Variants in PLCE1 observed in about 807,000 individuals in gnomAD.
The protein encoded by PLCE1 is 1-phosphatidylinositol 4,5-bisphosphate phosphodiesterase epsilon-1.
PLCE1 carries 119 observed loss-of-function variants against 242.8 expected under a neutral mutation model. The observed-to-expected ratio is 0.49, with a 90% confidence interval of 0.42 to 0.57. PLCE1 has a LOEUF of 0.57. Among genes scored for constraint, PLCE1 ranks in the 20% least tolerant of loss-of-function variants. The pLI, the probability that PLCE1 is intolerant of heterozygous loss-of-function variation, is 0.00. For missense variants in PLCE1, 2,441 were observed against 2,788.8 expected (o/e 0.88, Z 2.81); for synonymous variants, 945 against 1,017.4 (o/e 0.93, Z 1.35).
chr10:94,319,553 T>C (rs1401382973), intron 29 of PLCE1, among the ~76,000 whole-genome samples: 1 of 152,186 alleles, frequency 6.6e-6, no homozygotes, highest in Non-Finnish European at 1.5e-5. Flanking sequence ...CATCTTCCTG[T>C]GGTCAATGTG....
intron 3 of PLCE1, among the ~76,000 whole-genome samples, chr10:94,135,133 C>T (rs1476833004): frequency 6.6e-6 from 1 of 152,136 alleles, no homozygotes; most frequent in African/African-American, 2.4e-5. Flanking sequence ...GGGTTTCTCA[C>T]CACCAAAAAT....
chr10:94,086,748 C>A (rs2044840221), intron 2 of PLCE1, among the ~76,000 whole-genome samples: 1 of 152,240 alleles, frequency 6.6e-6, no homozygotes, highest in Admixed American at 6.5e-5. Flanking sequence ...GAATGATGGG[C>A]AGCCCAGTGG....
intron 4 of PLCE1, among the ~76,000 whole-genome samples, chr10:94,183,829 G>A (rs2048385623): frequency 6.6e-6 from 1 of 152,042 alleles, no homozygotes. Flanking sequence ...GAGAAAAGGG[G>A]GATGTCCCAG....
chr10:94,146,570 G>A (rs1172669058), intron 3 of PLCE1, among the ~76,000 whole-genome samples: 2 of 151,988 alleles, frequency 1.3e-5, no homozygotes, highest in Admixed American at 1.3e-4. Flanking sequence ...AAACCTTTAG[G>A]GACATGAAAA....
intron 7 of PLCE1, among the ~76,000 whole-genome samples, chr10:94,239,752 A>C (rs1472910090): frequency 6.6e-6 from 1 of 152,232 alleles, no homozygotes; most frequent in South Asian, 2.1e-4. Context: ...ATAGGAAAAA[A>C]AGAAAGCTAA....
At chr10:94,305,793 G>C (rs1163251526) in intron 25 of PLCE1, among the ~76,000 whole-genome samples, 1 of 152,192 alleles carries the variant, frequency 6.6e-6, no homozygotes, top group Admixed American at 6.5e-5. Context: ...CAGAATATTA[G>C]TAACAAATTT....
intron 2 of PLCE1, among the ~76,000 whole-genome samples, chr10:94,067,219 A>G (rs1216068847): frequency 1.3e-5 from 2 of 152,176 alleles, no homozygotes; most frequent in African/African-American, 2.4e-5. Flanking sequence ...CCGGACAACC[A>G]TGAGACTCTG....
chr10:94,326,953 G>A (rs1000210743), intron 32 of PLCE1, among the ~76,000 whole-genome samples: 24 of 152,076 alleles, frequency 1.6e-4, no homozygotes, highest in African/African-American at 5.6e-4. Flanking sequence ...GAGGTCAAGA[G>A]ATTGAGACCA....
chr10:94,183,949 T>C (rs1218495488), intron 4 of PLCE1, among the ~76,000 whole-genome samples: 2 of 152,112 alleles, frequency 1.3e-5, no homozygotes, highest in Non-Finnish European at 2.9e-5. Context: ...ATCCAGCACC[T>C]CCCACGAGGC....
intron 2 of PLCE1, among the ~76,000 whole-genome samples, chr10:94,046,571 G>A (rs2061888791): frequency 6.6e-6 from 1 of 152,226 alleles, no homozygotes. Context: ...AGCCAGGCCT[G>A]GAGCCCAGGT....
intron 3 of PLCE1, among the ~76,000 whole-genome samples, chr10:94,149,173 C>T (rs2047202063): frequency 6.6e-6 from 1 of 152,146 alleles, no homozygotes; most frequent in Non-Finnish European, 1.5e-5. Flanking sequence ...CCCCGTGTGC[C>T]AAGGGGTTCC....
intron 7 of PLCE1, among the ~76,000 whole-genome samples, chr10:94,240,948 G>A (rs978001447): frequency 2.6e-5 from 4 of 152,046 alleles, no homozygotes; most frequent in Non-Finnish European, 5.9e-5. Flanking sequence ...ATCCCTTCTT[G>A]TAAACCCACA....
intron 1 of PLCE1, among the ~76,000 whole-genome samples, chr10:94,020,550 T>C (rs1370300897): frequency 1.3e-5 from 2 of 152,160 alleles, no homozygotes; most frequent in Non-Finnish European, 2.9e-5. Context: ...TTTATTCCAA[T>C]ATTGTAAAAA....
At chr10:94,046,878 G>A (rs2061895212) in intron 2 of PLCE1, among the ~76,000 whole-genome samples, 3 of 152,080 alleles carry the variant, frequency 2.0e-5, no homozygotes, top group South Asian at 4.1e-4. Context: ...ACTTTTATAC[G>A]TTGAATGTTA....
chr10:94,065,176 C>G (rs576567430), intron 2 of PLCE1, among the ~76,000 whole-genome samples: 1 of 152,296 alleles, frequency 6.6e-6, no homozygotes, highest in East Asian at 1.9e-4. Flanking sequence ...CTGCCTTCAC[C>G]CGTCCTGGAT....
chr10:94,304,381 G>A, intron 24 of PLCE1, 101 bp from the exon 25 acceptor site: 1 of 1,066,354 alleles, frequency 9.4e-7, no homozygotes, highest in Non-Finnish European at 1.5e-6. Flanking sequence ...GGAGCTTAGG[G>A]AAAATTGATG....
intron 1 of PLCE1, among the ~76,000 whole-genome samples, chr10:94,005,886 G>A (rs568490348): frequency 6.6e-6 from 1 of 152,264 alleles, no homozygotes; most frequent in East Asian, 1.9e-4. Context: ...TGTGCCCTAT[G>A]AAGCCAAGGC....
At chr10:94,057,713 G>T (rs771400895) in intron 2 of PLCE1, among the ~76,000 whole-genome samples, 1 of 152,098 alleles carries the variant, frequency 6.6e-6, no homozygotes, top group Non-Finnish European at 1.5e-5. Flanking sequence ...AAGTGTAGTG[G>T]CTTTAAACAA....
chr10:94,322,402 G>T (rs1257109258), intron 30 of PLCE1, among the ~76,000 whole-genome samples: 1 of 151,548 alleles, frequency 6.6e-6, no homozygotes, highest in African/African-American at 2.4e-5. Context: ...TGTAATCCCA[G>T]CAGTTTGGGA....
Sources: gnomAD v4.1 joint callset for allele counts (sites outside exome capture counted in the v4.1 genomes callset) on GRCh38, gnomAD v4.1.1 for gene constraint, MANE v1.5 for transcripts, NCBI Gene and HGNC (gene_info 2026-07-23, HGNC 2026-07-21) for gene names.